Variants in CXCL13 observed in about 807,000 individuals in gnomAD.
CXCL13 encodes C-X-C motif chemokine 13.
CXCL13 carries 7 observed loss-of-function variants against 12.2 expected under a neutral mutation model. The ratio of observed to expected loss-of-function variants is 0.57; its 90% CI spans 0.33 to 1.07. The LOEUF (loss-of-function observed/expected upper bound fraction) is 1.07. CXCL13 is among the 50% of genes least tolerant of loss of function. CXCL13 has a pLI of 0.04. For missense variants in CXCL13, 113 were observed against 127.4 expected (o/e 0.89, Z 0.55); for synonymous variants, 47 against 42.4 (o/e 1.11, Z -0.42).
chr4:77,562,667 C>T (rs1279261162), intron 1 of CXCL13, among the ~76,000 whole-genome samples: 2 of 142,730 alleles, frequency 1.4e-5, no homozygotes. Flanking sequence ...ACTTGGAGAA[C>T]CTTTATGTCT....
intron 1 of CXCL13, among the ~76,000 whole-genome samples, chr4:77,538,157 T>C (rs1937944712): frequency 6.6e-6 from 1 of 152,168 alleles, no homozygotes; most frequent in Non-Finnish European, 1.5e-5. Flanking sequence ...TAGTTGTCTT[T>C]TTCCTACCTC....
intron 1 of CXCL13, among the ~76,000 whole-genome samples, chr4:77,540,959 G>A (rs569688054): frequency 3.1e-4 from 47 of 152,270 alleles, no homozygotes; most frequent in African/African-American, 1.1e-3. Context: ...TGACTGGTGT[G>A]AGATGGTATC....
chr4:77,547,245 T>C (rs956367427), intron 1 of CXCL13, among the ~76,000 whole-genome samples: 12 of 152,224 alleles, frequency 7.9e-5, no homozygotes, highest in African/African-American at 2.9e-4. Context: ...GTCTGTTAGG[T>C]CTGCTTGGTG....
At position 77,530,537 on chromosome 4, in the gene CXCL13, G is replaced by A. The variant is rs13102704; in HGVS notation, c.-43+18749G>A. Among the ~76,000 whole-genome samples, 7 of 152,074 alleles carry A rather than the reference G, an allele frequency of 4.6e-5. No homozygotes were observed. In the South Asian group the frequency reaches 8.3e-4, roughly 18 times the overall value. ...ATGTGTTCAGGAATTTATCCATTTC[G>A]TCTAGATTTTCTAGTTTATTTCATA... On this transcript the variant is annotated intron_variant, in intron 1 of 4. Transcript: ENST00000286758.
upstream of CXCL13, among the ~76,000 whole-genome samples, chr4:77,604,188 C>T (rs576641674): frequency 1.3e-5 from 2 of 152,250 alleles, no homozygotes; most frequent in African/African-American, 4.8e-5. Flanking sequence ...CAGCTAAGGA[C>T]CGAGCACGGT....
chr4:77,529,931 T>A (rs1578038714), intron 1 of CXCL13, among the ~76,000 whole-genome samples: 1 of 152,220 alleles, frequency 6.6e-6, no homozygotes, highest in Non-Finnish European at 1.5e-5. Context: ...ATAGCTCTCA[T>A]TATTTTGAGA....
At chr4:77,549,428 G>T (rs1390356064) in intron 1 of CXCL13, among the ~76,000 whole-genome samples, 1 of 152,308 alleles carries the variant, frequency 6.6e-6, no homozygotes, top group East Asian at 1.9e-4. Context: ...CTGGTTTTTA[G>T]AATTTTCAGC....
chr4:77,532,869 G>T (rs1724963978), intron 1 of CXCL13, among the ~76,000 whole-genome samples: 1 of 152,132 alleles, frequency 6.6e-6, no homozygotes, highest in South Asian at 2.1e-4. Flanking sequence ...TCATCATGTA[G>T]TTCTCATGCC....
intron 1 of CXCL13, among the ~76,000 whole-genome samples, chr4:77,567,355 A>C (rs1725963839): frequency 2.0e-5 from 3 of 152,232 alleles, no homozygotes; most frequent in African/African-American, 7.2e-5. Flanking sequence ...GTCTCTTCAC[A>C]TGGACGCGCA....
At chr4:77,552,416 C>T (rs1365729401) in intron 1 of CXCL13, among the ~76,000 whole-genome samples, 1 of 152,222 alleles carries the variant, frequency 6.6e-6, no homozygotes, top group East Asian at 1.9e-4. Flanking sequence ...GCAGTTCAAA[C>T]TACAAGCCAT....
At chr4:77,606,345 A>G (rs1252667320) in intron 1 of CXCL13, among the ~76,000 whole-genome samples, 3 of 152,220 alleles carry the variant, frequency 2.0e-5, no homozygotes, top group South Asian at 4.1e-4. Context: ...ATGTAACTCC[A>G]AATGGTTAGA....
chr4:77,513,794 G>A (rs1163912817), intron 1 of CXCL13, among the ~76,000 whole-genome samples: 2 of 147,484 alleles, frequency 1.4e-5, no homozygotes, highest in Admixed American at 6.7e-5. Flanking sequence ...ACTGGTGTGA[G>A]ATGGTATCTC....
At chr4:77,606,487 T>C (rs1288779065) in intron 1 of CXCL13, among the ~76,000 whole-genome samples, 1 of 152,200 alleles carries the variant, frequency 6.6e-6, no homozygotes, top group Non-Finnish European at 1.5e-5. Context: ...AAGTAGTAAG[T>C]TTTTATGTGG....
At chr4:77,606,104 A>G (rs1726997942) in intron 1 of CXCL13, among the ~76,000 whole-genome samples, 175 bp downstream of exon 1, 1 of 152,192 alleles carries the variant, frequency 6.6e-6, no homozygotes, top group Admixed American at 6.5e-5. Context: ...TCAAAACTGG[A>G]AGTATTTATA....
At chr4:77,532,181 G>C (rs1211844824) in intron 1 of CXCL13, among the ~76,000 whole-genome samples, 1 of 152,138 alleles carries the variant, frequency 6.6e-6, no homozygotes, top group Non-Finnish European at 1.5e-5. Context: ...GCAGTGGCTG[G>C]TACCAGTTGT....
At chr4:77,519,972 A>G (rs1188413696) in intron 1 of CXCL13, among the ~76,000 whole-genome samples, 1 of 152,210 alleles carries the variant, frequency 6.6e-6, no homozygotes, top group Non-Finnish European at 1.5e-5. Flanking sequence ...TAAATAGGGA[A>G]TGCTTTCTCC....
intron 1 of CXCL13, among the ~76,000 whole-genome samples, chr4:77,553,975 A>C (rs1000016046): frequency 6.6e-6 from 1 of 152,214 alleles, no homozygotes; most frequent in African/African-American, 2.4e-5. Flanking sequence ...ATAGGTAACT[A>C]TGTGAGATGA....
At chr4:77,576,894 G>T (rs1726210466) in intron 1 of CXCL13, among the ~76,000 whole-genome samples, 1 of 152,186 alleles carries the variant, frequency 6.6e-6, no homozygotes, top group Non-Finnish European at 1.5e-5. Context: ...TGGAGAGAGA[G>T]AAATTATGTT....
chr4:77,578,127 G>C (rs912116455), intron 1 of CXCL13, among the ~76,000 whole-genome samples: 1 of 152,132 alleles, frequency 6.6e-6, no homozygotes. Context: ...CAGGATTTTG[G>C]CCTCCCTCTC....
Sources: gnomAD v4.1 joint callset for allele counts (sites outside exome capture counted in the v4.1 genomes callset) on GRCh38, gnomAD v4.1.1 for gene constraint, MANE v1.5 for transcripts, NCBI Gene and HGNC (gene_info 2026-07-23, HGNC 2026-07-21) for gene names.